C2CD2L: variants seen among roughly 807,000 people sequenced by gnomAD.
C2CD2L encodes the protein phospholipid transfer protein C2CD2L.
A neutral mutation model predicts 69.9 loss-of-function variants in C2CD2L; 24 were observed. The observed-to-expected ratio is 0.34, with a 90% CI of 0.25 to 0.48. The LOEUF is 0.48. Ranked by LOEUF, C2CD2L falls within the 20% of genes least tolerant of loss-of-function variation. C2CD2L has a pLI of 0.99. For missense variants in C2CD2L, 811 were observed against 941.5 expected, an observed-to-expected ratio of 0.86 and a Z score of 1.81; for synonymous variants, 367 against 391.0, an observed-to-expected ratio of 0.94 and a Z score of 0.72.
rs1358712482 is a variant in C2CD2L, at chr11:119,109,298, C to T, written c.355-806C>T. ...CAAGACCCAAGGAAGAGTTGCCAGC[C>T]AATTCTGTGCCCCTTCCTCAATTCT... is the stretch of plus-strand genomic sequence containing the variant. On this transcript the variant is annotated intron_variant, in intron 1 of 13. Coordinates refer to ENST00000648610, the MANE Select transcript of C2CD2L (RefSeq NM_001290474.2). The surrounding 1 kb of genome is among the most constrained non-coding windows in gnomAD (Gnocchi z 5.1). Among the ~76,000 whole-genome samples the T allele has an allele frequency of 6.6e-6, 1 of 152,246 alleles. No individual in the cohort carries two copies. The highest frequency in any genetic ancestry group is 1.5e-5 in the Non-Finnish European group (1 of 68,048).
upstream of C2CD2L, among the ~76,000 whole-genome samples, chr11:119,103,886 G>A (rs955626558): frequency 2.6e-5 from 4 of 152,190 alleles, no homozygotes; most frequent in African/African-American, 9.7e-5. Context: ...TTGTGTGTAT[G>A]CACGTGTGCC....
In C2CD2L at chr11:119,110,190, G is replaced by C. The variant is rs755194354; in HGVS notation, c.441G>C (p.Glu147Asp). 2.0e-4 allele frequency: 321 copies of C among 1,611,764 alleles called. No homozygotes were observed. The highest frequency in any genetic ancestry group is 2.7e-4 in the Non-Finnish European group (316 of 1,177,986). The change falls in exon 2 of 14, where the codon GAG (glutamate) becomes GAC (aspartate). Residue 147 changes from glutamate (E) to aspartate (D), a missense_variant. Coordinates refer to ENST00000648610, the MANE Select transcript of C2CD2L (RefSeq NM_001290474.2). This position sits in a 1 kb window ranked among gnomAD's most constrained non-coding sequence, Gnocchi z 5.7. ...ATGTGACCTGCGTAGACCAATCTGA[G>C]CATACCATGGTAAGGGTCTGATGGG... Reference protein sequence around the residue: ...ISHVTCVDQSEHTMVLRCQLS... With the variant: ...ISHVTCVDQSDHTMVLRCQLS...
rs1193701384 is a variant in C2CD2L at position 119,107,918 on chromosome 11, C to T, written c.177C>T (p.Ser59=). ...GPALAGEPAG[S]LRELGVWRSL... Reference sequence around the variant, plus strand: ...CCTTAGCCGGGGAACCCGCGGGTTCCCTGCGGGAGCTGGGCGTGTGGCGCT... The same window carrying T: ...CCTTAGCCGGGGAACCCGCGGGTTCTCTGCGGGAGCTGGGCGTGTGGCGCT... The change falls in exon 1 of 14, where the codon TCC becomes TCT. Residue 59 remains serine, a synonymous_variant. Transcript: ENST00000648610. The surrounding 1 kb of genome is among the most constrained non-coding windows in gnomAD (Gnocchi z 5.4). 1.3e-6 allele frequency: 2 copies of T among 1,533,122 alleles called. No individual in the cohort carries two copies. Among genetic ancestry groups the T allele is most frequent in the Non-Finnish European group, 1.7e-6 (2 of 1,146,130 alleles). 95.0% of individuals were successfully genotyped at this position (1,533,122 alleles called of 1,614,324 possible). A position where few individuals can be genotyped will look rare whatever the true frequency, so the allele number is the denominator to read the frequency against.
In C2CD2L at chr11:119,110,776, G is replaced by C; in HGVS notation, c.571-71G>C. ...CTCTCTGGGATGGAATTCAGGAAGG[G>C]AGAGTCCTCGAATTAGGAGTCCTTG... is the stretch of plus-strand genomic sequence containing the variant. On this transcript the variant is annotated intron_variant, in intron 3 of 13. Transcript: ENST00000648610. The surrounding 1 kb of genome is among the most constrained non-coding windows in gnomAD (Gnocchi z 5.7). The C allele has an allele frequency of 6.2e-7, 1 of 1,606,108 alleles. No homozygotes were observed. Among genetic ancestry groups the C allele is most frequent in the East Asian group, 2.2e-5 (1 of 44,694 alleles).
At chr11:119,112,074 C>T in intron 7 of C2CD2L, 1 of 525,150 alleles carries the variant, frequency 1.9e-6, no homozygotes, top group Non-Finnish European at 3.4e-6. Flanking sequence ...TGGCTTGCAA[C>T]TGAGAGACTG....
At position 119,110,769 on chromosome 11, in the gene C2CD2L, A is replaced by C; in HGVS notation, c.571-78A>C. The C allele has an allele frequency of 1.2e-6, 2 of 1,605,608 alleles. No individual in the cohort carries two copies. Among genetic ancestry groups the C allele is most frequent in the Non-Finnish European group, 1.7e-6 (2 of 1,173,596 alleles). On this transcript the variant is annotated intron_variant, in intron 3 of 13. Coordinates refer to ENST00000648610, the MANE Select transcript of C2CD2L (RefSeq NM_001290474.2). The surrounding 1 kb of genome is among the most constrained non-coding windows in gnomAD (Gnocchi z 5.7). ...TTGTTTCCTCTCTGGGATGGAATTC[A>C]GGAAGGGAGAGTCCTCGAATTAGGA... is the stretch of plus-strand genomic sequence containing the variant.
chr11:119,114,511 G>A lies in C2CD2L; in HGVS notation c.1909+146G>A. ...TAGTTCAGCCAAGCTAGCCTAGAGG[G>A]GGATCTTGGTGCCTTGGTTCCTGGC... is the stretch of plus-strand genomic sequence containing the variant. On this transcript the variant is annotated intron_variant, in intron 13 of 13. Coordinates refer to ENST00000648610, the MANE Select transcript of C2CD2L (RefSeq NM_001290474.2). This position sits in a 1 kb window ranked among gnomAD's most constrained non-coding sequence, Gnocchi z 5.1. The A allele has an allele frequency of 1.3e-6, 1 of 759,506 alleles. No homozygotes were observed. The allele number at this position is 759,506 out of a possible 1,614,324, so 47.0% of individuals were successfully genotyped here.
rs747953992 is a variant in C2CD2L at position 119,110,691 on chromosome 11, A to G, written c.570+11A>G. 22 of 1,613,770 alleles carry G rather than the reference A, an allele frequency of 1.4e-5. No homozygotes were observed. Among genetic ancestry groups the G allele is most frequent in the Non-Finnish European group, 1.9e-5 (22 of 1,179,924 alleles). ...CTGCCACCAACACAGGTAGAAGGGG[A>G]TGTGGGAAACTGAGTTGGGCAGGGG... is the stretch of plus-strand genomic sequence containing the variant. On this transcript the variant is annotated intron_variant, in intron 3 of 13. Coordinates refer to ENST00000648610, the MANE Select transcript of C2CD2L (RefSeq NM_001290474.2). The surrounding 1 kb of genome is among the most constrained non-coding windows in gnomAD (Gnocchi z 5.7).
Position 119,110,257 on chromosome 11 carries a change from C to T in C2CD2L, c.450+58C>T. 1 of 1,261,272 alleles carries T rather than the reference C, an allele frequency of 7.9e-7. No homozygotes were observed. Among genetic ancestry groups the T allele is most frequent in the South Asian group, 1.2e-5 (1 of 83,362 alleles). 78.1% of individuals were successfully genotyped at this position (1,261,272 alleles called of 1,614,324 possible). The stretch of plus-strand genomic sequence containing the variant: ...GTCCAAGAAGGACTGACCCCAAGGG[C>T]TCCCTTTAGTCCAGAGGTTCTTAAC... On this transcript the variant is annotated intron_variant, in intron 2 of 13. Coordinates refer to ENST00000648610, the MANE Select transcript of C2CD2L (RefSeq NM_001290474.2). This position sits in a 1 kb window ranked among gnomAD's most constrained non-coding sequence, Gnocchi z 5.7.
Position 119,111,253 on chromosome 11 carries a change from C to G in C2CD2L, c.799-10C>G. The G allele has an allele frequency of 6.2e-7, 1 of 1,613,636 alleles. No individual in the cohort carries two copies. Among genetic ancestry groups the G allele is most frequent in the South Asian group, 1.1e-5 (1 of 91,080 alleles). On this transcript the variant is annotated splice_polypyrimidine_tract_variant and intron_variant, in intron 5 of 13. Transcript: ENST00000648610. ...GGATTCTTGCTCTTTGGACCTTCTTCTGCTCTTAGGTACCCAGTGAGAAGC... is the reference window on the plus strand; with the variant it reads ...GGATTCTTGCTCTTTGGACCTTCTTGTGCTCTTAGGTACCCAGTGAGAAGC...
At chr11:119,111,890 G>A (rs1176448308) in intron 7 of C2CD2L, 5 of 482,544 alleles carry the variant, frequency 1.0e-5, no homozygotes, top group African/African-American at 9.7e-5. Flanking sequence ...TTTATGTAAT[G>A]TGCCGTCAGA....
Position 119,114,110 on chromosome 11 carries a change from T to C in C2CD2L, c.1654T>C (p.Ser552Pro). 6.2e-7 allele frequency: 1 copy of C among 1,614,118 alleles called. No homozygotes were observed. The highest frequency in any genetic ancestry group is 8.5e-7 in the Non-Finnish European group (1 of 1,180,022). ...CATTGCTCAGGACGAGTTGGCGCTA[T>C]CCCTGGGCTATGCGGCATCCCTGGA... ...VPIAQDELAL[S>P]LGYAASLEAS... The change falls in exon 13 of 14, where the codon TCC becomes CCC. Residue 552 changes from serine (S) to proline (P), a missense_variant. Physicochemically the swap from Ser to Pro is moderately conservative, Grantham distance 74. Transcript: ENST00000648610. This position sits in a 1 kb window ranked among gnomAD's most constrained non-coding sequence, Gnocchi z 5.1.
upstream of C2CD2L, among the ~76,000 whole-genome samples, chr11:119,104,823 A>G (rs539861507): frequency 2.4e-4 from 37 of 152,380 alleles, no homozygotes; most frequent in Non-Finnish European, 4.7e-4. Flanking sequence ...CACAAAGACA[A>G]TGAGACCCCT....
rs764698979 is a variant in C2CD2L at position 119,110,525 on chromosome 11, C to G, written c.451-36C>G. Reference sequence around the variant, plus strand: ...GGGCAGTTCAAAGCAGGGTGAGCACCCTTCCCCCACATCTGACCCACCTCG... The same window carrying G: ...GGGCAGTTCAAAGCAGGGTGAGCACGCTTCCCCCACATCTGACCCACCTCG... On this transcript the variant is annotated intron_variant, in intron 2 of 13. Transcript: ENST00000648610. This position sits in a 1 kb window ranked among gnomAD's most constrained non-coding sequence, Gnocchi z 5.7. 1.6e-5 allele frequency: 25 copies of G among 1,595,604 alleles called. No individual in the cohort carries two copies. In the South Asian group the frequency reaches 1.9e-4, roughly 12 times the overall value.
In C2CD2L at chr11:119,116,071, C is replaced by T. The variant is rs772473393; in HGVS notation, c.1936C>T (p.Leu646Phe). The part of the protein sequence containing the change: ...KVSFLRSGTK[L>F]IFRRRPRQKE... ...GAGTTTCCTGCGCAGCGGCACTAAG[C>T]TCATCTTCCGCCGGAGGCCTAGGCA... is the stretch of plus-strand genomic sequence containing the variant. The change falls in exon 14 of 14, where the codon CTC becomes TTC. Residue 646 changes from leucine to phenylalanine, a missense_variant. Leu to Phe is a conservative substitution (Grantham distance 22). Coordinates refer to ENST00000648610, the MANE Select transcript of C2CD2L (RefSeq NM_001290474.2). 2.5e-6 allele frequency: 4 copies of T among 1,614,072 alleles called. No individual in the cohort carries two copies. Among genetic ancestry groups the T allele is most frequent in the Admixed American group, 1.7e-5 (1 of 60,036 alleles).
rs1156866136 is a variant in C2CD2L at position 119,116,861 on chromosome 11, C to T, written c.*605C>T. The T allele has an allele frequency of 1.3e-5, 2 of 153,288 alleles. No homozygotes were observed. Among genetic ancestry groups the T allele is most frequent in the Non-Finnish European group, 2.9e-5 (2 of 68,388 alleles). 9.5% of individuals were successfully genotyped at this position (153,288 alleles called of 1,614,324 possible). A position where few individuals can be genotyped will look rare whatever the true frequency, so the allele number is the denominator to read the frequency against. On this transcript the variant is annotated 3_prime_UTR_variant, in exon 14 of 14. Coordinates refer to ENST00000648610, the MANE Select transcript of C2CD2L (RefSeq NM_001290474.2). ...CCCCACCTTCCTGCCTCCCCTCCTGCTCCTCATCCCTCCCTCCCCCTTTAT... is the reference window on the plus strand; with the variant it reads ...CCCCACCTTCCTGCCTCCCCTCCTGTTCCTCATCCCTCCCTCCCCCTTTAT...
At position 119,107,752 on chromosome 11, in the gene C2CD2L, G is replaced by A; in HGVS notation, c.11G>A (p.Gly4Asp). MDP[G>D]WGQRDVGWAA... is the part of the protein sequence containing the mutation. ...GAGCCCGCGCGGAGCATGGATCCGGGCTGGGGGCAGCGGGACGTGGGCTGG... is the reference window on the plus strand; with the variant it reads ...GAGCCCGCGCGGAGCATGGATCCGGACTGGGGGCAGCGGGACGTGGGCTGG... Residue 4 changes from glycine to aspartate, a missense_variant, in exon 1 of 14, where the codon GGC (glycine) becomes GAC (aspartate). Gly to Asp is a moderately conservative substitution (Grantham distance 94). Coordinates refer to ENST00000648610, the MANE Select transcript of C2CD2L (RefSeq NM_001290474.2). The surrounding 1 kb of genome is among the most constrained non-coding windows in gnomAD (Gnocchi z 5.4). The A allele has an allele frequency of 5.9e-6, 9 of 1,531,940 alleles. No homozygotes were observed. The Admixed American group carries it at 6.2e-5, about 10-fold the overall frequency. The allele number at this position is 1,531,940 out of a possible 1,614,324, so 94.9% of individuals were successfully genotyped here. A position where few individuals can be genotyped will look rare whatever the true frequency, so the allele number is the denominator to read the frequency against.
chr11:119,111,872 A>G, intron 7 of C2CD2L: 1 of 508,660 alleles, frequency 2.0e-6, no homozygotes, highest in Non-Finnish European at 3.5e-6. Context: ...AAACCGCTCC[A>G]GTTGAGGTTT....
intron 10 of C2CD2L, chr11:119,113,095 T>C: frequency 1.7e-6 from 1 of 589,956 alleles, no homozygotes; most frequent in Non-Finnish European, 3.0e-6. Flanking sequence ...GCCACCCTTC[T>C]GGATCCTCCT....
Sources: allele counts gnomAD v4.1 joint callset (sites outside exome capture counted in the v4.1 genomes callset), GRCh38; gene constraint gnomAD v4.1.1; non-coding constraint Gnocchi (gnomAD v3.1); transcripts MANE v1.5; gene names NCBI Gene and HGNC (gene_info 2026-07-23, HGNC 2026-07-21).